The following DOK7 variants were observed in gnomAD, a reference collection of about 807,000 sequenced individuals.
DOK7 encodes protein Dok-7.
DOK7 carries 32 observed loss-of-function variants against 30.7 expected under a neutral mutation model. That is an observed-to-expected ratio of 1.04 (90% CI 0.79 to 1.40). The LOEUF (loss-of-function observed/expected upper bound fraction) is 1.40. DOK7 is among the 40% of genes most tolerant of loss of function. DOK7 has a pLI of 0.00. For synonymous variants in DOK7, 447 were observed against 324.1 expected (o/e 1.38, Z -4.07); for missense variants, 1,007 against 699.2 (o/e 1.44, Z -4.97).
At chr4:3,481,108 T>C (rs1376004700) in intron 4 of DOK7, among the ~76,000 whole-genome samples, 1 of 149,788 alleles carries the variant, frequency 6.7e-6, no homozygotes, top group South Asian at 2.1e-4. Flanking sequence ...ATAGGAGGCG[T>C]GAGGGTGGAG....
chr4:3,464,170 G>C (rs144937839), intron 2 of DOK7, among the ~76,000 whole-genome samples: 1 of 152,306 alleles, frequency 6.6e-6, no homozygotes, highest in African/African-American at 2.4e-5. Context: ...GGGCTGAGCC[G>C]GGCCTGCAGC....
rs1560212396 is a variant in DOK7, at chr4:3,476,274, CCCCACCCGCCCGTGATGTCCT to C, written c.332-66_332-46del. 3.8e-5 allele frequency: 40 copies of C among 1,047,920 alleles called. 1 individual carries two copies. The highest frequency in any genetic ancestry group is 3.6e-4 in the African/African-American group (22 of 60,360). The allele number at this position is 1,047,920 out of a possible 1,614,324, so 64.9% of individuals were successfully genotyped here. Reference sequence around the variant, plus strand: ...CCCACCCGCCCGTGATGCCCTCTCACCCCACCCGCCCGTGATGTCCTCTCACCCTGCCCGCCCGTGATGCCC... The same window carrying C: ...CCCACCCGCCCGTGATGCCCTCTCACCTCACCCTGCCCGCCCGTGATGCCC... On this transcript the variant is annotated intron_variant, in intron 3 of 6. Transcript: ENST00000340083.
At position 3,492,873 on chromosome 4, in the gene DOK7, A is replaced by C. The variant is rs6811423; in HGVS notation, c.887A>C (p.Gln296Pro). The change falls in exon 7 of 7, where the codon CAG becomes CCG. Residue 296 changes from glutamine (Q) to proline (P), a missense_variant. Transcript: ENST00000340083. ...EQSSSSASTS[Q>P]EGPRPAAAQA... ...TCCTCGTCGTCAGCCAGCACGTCAC[A>C]GGAGGGGCCTAGACCAGCAGCTGCC... The C allele has an allele frequency of 6.2e-7, 1 of 1,604,752 alleles. No individual in the cohort carries two copies. The highest frequency in any genetic ancestry group is 8.5e-7 in the Non-Finnish European group (1 of 1,176,982).
chr4:3,483,669 G>A (rs1213488566), intron 4 of DOK7, among the ~76,000 whole-genome samples: 2 of 152,212 alleles, frequency 1.3e-5, no homozygotes, highest in African/African-American at 4.8e-5. Flanking sequence ...TTATAGTCGG[G>A]GGACTCATTG....
Position 3,493,486 on chromosome 4 carries a change from A to G in DOK7, c.1500A>G (p.Val500=). ...GTCCAGTCTGTGGAGGACTCAAGGT[A>G]AACCCCCCTCCTTGAGAGCCGCAGA... ...SACPVCGGLK[V]NPPP The change falls in exon 7 of 7, where the codon GTA becomes GTG. Residue 500 remains valine, a synonymous_variant. Coordinates refer to ENST00000340083, the MANE Select transcript of DOK7 (RefSeq NM_173660.5). The G allele has an allele frequency of 6.2e-7, 1 of 1,611,312 alleles. No homozygotes were observed. The highest frequency in any genetic ancestry group is 8.5e-7 in the Non-Finnish European group (1 of 1,179,390).
intron 2 of DOK7, among the ~76,000 whole-genome samples, chr4:3,471,206 A>C (rs1021370315): frequency 6.6e-6 from 1 of 152,226 alleles, no homozygotes; most frequent in Non-Finnish European, 1.5e-5. Flanking sequence ...ATATGCAAGC[A>C]TGTATTGAGT....
rs577890844 is a variant in DOK7, at chr4:3,469,340, GC to G, written c.101-4064del. Among the ~76,000 whole-genome samples the G allele has an allele frequency of 1.5e-3, 234 of 152,242 alleles. 1 individual carries two copies. The highest frequency in any genetic ancestry group is 6.9e-3 in the Admixed American group (105 of 15,300). On this transcript the variant is annotated intron_variant, in intron 2 of 6. Transcript: ENST00000340083. ...GGTGCCCTCCACCCAGCCCAGTGCT[GC>G]CTGCCAGAGCCCCGGGAACCCTCCA...
chr4:3,493,229 C>G lies in DOK7; in HGVS notation c.1243C>G (p.Pro415Ala). The change falls in exon 7 of 7, where the codon CCT becomes GCT. Residue 415 changes from proline (P) to alanine (A), a missense_variant. Transcript: ENST00000340083. Reference protein sequence around the residue: ...YDTPRSLCLAPRDHSPPSQGS... With the variant: ...YDTPRSLCLAARDHSPPSQGS... Reference sequence around the variant, plus strand: ...CACACCACGCAGCCTTTGCCTGGCTCCTAGAGACCACAGCCCCCCCTCACA... The same window carrying G: ...CACACCACGCAGCCTTTGCCTGGCTGCTAGAGACCACAGCCCCCCCTCACA... The G allele has an allele frequency of 1.2e-6, 2 of 1,611,952 alleles. No homozygotes were observed. The highest frequency in any genetic ancestry group is 1.1e-5 in the South Asian group (1 of 90,988).
chr4:3,499,918 G>A (rs1190510339), intron 6 of DOK7, among the ~76,000 whole-genome samples: 2 of 151,948 alleles, frequency 1.3e-5, no homozygotes, highest in Non-Finnish European at 2.9e-5. Context: ...AAGGTGCGGG[G>A]CGAGGGGCGC....
rs1560200971 is a variant in DOK7 at position 3,463,432 on chromosome 4, C to T, written c.54+3C>T. 1 of 556,718 alleles carries T rather than the reference C, an allele frequency of 1.8e-6. No homozygotes were observed. Among genetic ancestry groups the T allele is most frequent in the South Asian group, 2.0e-5 (1 of 49,764 alleles). 34.5% of individuals were successfully genotyped at this position (556,718 alleles called of 1,614,324 possible). On this transcript the variant is annotated splice_donor_region_variant and intron_variant, in intron 1 of 6. Coordinates refer to ENST00000340083, the MANE Select transcript of DOK7 (RefSeq NM_173660.5). ...TCAAGCTGCGGGACGGCAAGAAGGTCGGGGCGCGTCGGGGGCGCGGGGGGG... is the reference window on the plus strand; with the variant it reads ...TCAAGCTGCGGGACGGCAAGAAGGTTGGGGCGCGTCGGGGGCGCGGGGGGG...
chr4:3,469,147 CTGTGTA>C (rs1001592098), intron 2 of DOK7, among the ~76,000 whole-genome samples: 15 of 142,620 alleles, frequency 1.1e-4, no homozygotes, highest in African/African-American at 3.1e-4. Flanking sequence ...GTGTATGTGT[CTGTGTA>C]TGAGTGTGCA....
chr4:3,490,614 G>GCTCCCCCCTGCTCA lies in DOK7; in HGVS notation c.772+818_772+819insCTCCCCCCTGCTCA, dbSNP rs1560227513. ...TCCTTCATTTCTTCTCTCCCTGCTC[G>GCTCCCCCCTGCTCA]TTCATTCCTTCCCTCTCCGCCTGCT... is the stretch of plus-strand genomic sequence containing the variant. On this transcript the variant is annotated intron_variant, in intron 6 of 6. Transcript: ENST00000340083. Among the ~76,000 whole-genome samples the GCTCCCCCCTGCTCA allele has an allele frequency of 9.9e-4, 32 of 32,294 alleles. 1 individual carries two copies. The highest frequency in any genetic ancestry group is 5.5e-4 in the Non-Finnish European group (11 of 20,074). The allele number at this position is 32,294 out of a possible 152,430, so 21.2% of individuals were successfully genotyped here.
At chr4:3,490,599 C>T (rs939023675) in intron 6 of DOK7, among the ~76,000 whole-genome samples, 18 of 31,728 alleles carry the variant, frequency 5.7e-4, no homozygotes, top group African/African-American at 5.5e-3. Flanking sequence ...TCCTTCATTT[C>T]TTCTCTCCCT....
chr4:3,484,615 C>T, intron 4 of DOK7: 11 of 985,520 alleles, frequency 1.1e-5, no homozygotes, highest in Non-Finnish European at 1.3e-5. Flanking sequence ...GCAGCTGGGG[C>T]TTCTCCACGG....
intron 6 of DOK7, 125 bp downstream of exon 6, chr4:3,489,921 C>G: frequency 1.4e-6 from 2 of 1,410,778 alleles, no homozygotes; most frequent in South Asian, 1.4e-5. Context: ...TTCCTTCTGT[C>G]TCCTGCTCAT....
chr4:3,498,358 G>A (rs1167300670), downstream of DOK7, among the ~76,000 whole-genome samples: 6 of 152,136 alleles, frequency 3.9e-5, no homozygotes, highest in Admixed American at 3.9e-4. Context: ...TGTGACTCCG[G>A]GTGGTGTTGG....
In DOK7 at chr4:3,466,075, C is replaced by T. The variant is rs538343151; in HGVS notation, c.100+2524C>T. Reference sequence around the variant, plus strand: ...GCTCAGAAAAGCCACCGGGAGGGCCCGAGTCCTGGAGCTGGCAGGGTCTTG... The same window carrying T: ...GCTCAGAAAAGCCACCGGGAGGGCCTGAGTCCTGGAGCTGGCAGGGTCTTG... On this transcript the variant is annotated intron_variant, in intron 2 of 6. Coordinates refer to ENST00000340083, the MANE Select transcript of DOK7 (RefSeq NM_173660.5). Among the ~76,000 whole-genome samples, 18 of 152,254 alleles carry T rather than the reference C, an allele frequency of 1.2e-4. No individual in the cohort carries two copies. The South Asian group carries it at 1.2e-3, about 11-fold the overall frequency.
At chr4:3,486,848 C>T (rs766669457) in intron 5 of DOK7, among the ~76,000 whole-genome samples, 6 of 151,964 alleles carry the variant, frequency 3.9e-5, no homozygotes, top group South Asian at 4.1e-4. Flanking sequence ...GAGTGCAGGG[C>T]GGGGACAGGG....
intron 2 of DOK7, 102 bp downstream of exon 2, chr4:3,463,653 AC>A (rs1464847136): frequency 9.1e-6 from 13 of 1,425,864 alleles, no homozygotes; most frequent in Non-Finnish European, 7.6e-6. Flanking sequence ...CGCCGCTGTC[AC>A]CCCGCCGGGA....
Sources: allele counts gnomAD v4.1 joint callset (sites outside exome capture counted in the v4.1 genomes callset), GRCh38; gene constraint gnomAD v4.1.1; transcripts MANE v1.5; gene names NCBI Gene and HGNC (gene_info 2026-07-23, HGNC 2026-07-21).